The following PCSK5 variants were observed in gnomAD, a reference collection of about 807,000 sequenced individuals.
PCSK5 encodes prohormone convertase 5.
PCSK5 carries 129 observed loss-of-function variants against 233.2 expected under a neutral mutation model. The observed-to-expected ratio is 0.55, with a 90% confidence interval of 0.48 to 0.64. The LOEUF (loss-of-function observed/expected upper bound fraction) is 0.64, where lower values mean the gene tolerates loss of function less well. PCSK5 is among the 30% of genes least tolerant of loss of function. The pLI, the probability that PCSK5 is intolerant of heterozygous loss-of-function variation, is 0.00. For synonymous variants in PCSK5, 825 were observed against 879.2 expected, an observed-to-expected ratio of 0.94 and a Z score of 1.09; for missense variants, 2,076 against 2,430.1, an observed-to-expected ratio of 0.85 and a Z score of 3.06.
intron 3 of PCSK5, among the ~76,000 whole-genome samples, chr9:75,991,505 C>G (rs1285327201): frequency 6.6e-6 from 1 of 152,164 alleles, no homozygotes; most frequent in Admixed American, 6.5e-5. Context: ...TTTTCTTGAT[C>G]TTATACCTTC....
intron 14 of PCSK5, among the ~76,000 whole-genome samples, 163 bp from the exon 15 acceptor site, chr9:76,179,433 A>C (rs1823750636): frequency 6.6e-6 from 1 of 152,188 alleles, no homozygotes; most frequent in Non-Finnish European, 1.5e-5. Flanking sequence ...AAAAGTCAAG[A>C]GCTCATCTCT....
chr9:76,051,261 T>G (rs1053360395), intron 5 of PCSK5, among the ~76,000 whole-genome samples: 20 of 152,180 alleles, frequency 1.3e-4, no homozygotes, highest in African/African-American at 4.8e-4. Flanking sequence ...AAAGTAATTT[T>G]TCCAAACATG....
intron 9 of PCSK5, among the ~76,000 whole-genome samples, chr9:76,111,053 A>G (rs372355275): frequency 6.6e-6 from 1 of 152,140 alleles, no homozygotes; most frequent in Non-Finnish European, 1.5e-5. Flanking sequence ...GTTGCACTGA[A>G]CTGAGATCAT....
At chr9:76,261,395 C>T (rs993093217) in intron 24 of PCSK5, among the ~76,000 whole-genome samples, 1 of 152,118 alleles carries the variant, frequency 6.6e-6, no homozygotes, top group Non-Finnish European at 1.5e-5. Flanking sequence ...CCAAAAGGCT[C>T]TAAGAACTGA....
At chr9:76,080,761 A>C (rs1830805197) in intron 7 of PCSK5, among the ~76,000 whole-genome samples, 1 of 152,208 alleles carries the variant, frequency 6.6e-6, no homozygotes. Flanking sequence ...TGTTGTAAGG[A>C]TTATATGATT....
intron 10 of PCSK5, among the ~76,000 whole-genome samples, chr9:76,151,346 G>T (rs866088895): frequency 1.3e-5 from 2 of 152,154 alleles, no homozygotes; most frequent in Non-Finnish European, 2.9e-5. Flanking sequence ...TATTCTGGTG[G>T]TTTACTTATA....
intron 36 of PCSK5, among the ~76,000 whole-genome samples, chr9:76,351,363 A>C (rs966964205): frequency 2.6e-5 from 4 of 151,594 alleles, no homozygotes; most frequent in African/African-American, 9.7e-5. Flanking sequence ...ACAGTGTATT[A>C]AGAAGAATTC....
chr9:76,355,417 G>T (rs1186090848), intron 37 of PCSK5, among the ~76,000 whole-genome samples: 1 of 152,042 alleles, frequency 6.6e-6, no homozygotes, highest in Admixed American at 6.6e-5. Flanking sequence ...AGCTCGCAGT[G>T]AGCCAAGATC....
chr9:76,147,669 C>G (rs1053925908), intron 10 of PCSK5, among the ~76,000 whole-genome samples: 1 of 152,168 alleles, frequency 6.6e-6, no homozygotes, highest in African/African-American at 2.4e-5. Flanking sequence ...AGTCGCCCCC[C>G]ATATGTAATG....
chr9:76,282,145 T>TTTTTTTTTTTTTTTTTTTTTTTTTTTTTC (rs1286020691), intron 24 of PCSK5, among the ~76,000 whole-genome samples: 1 of 98,906 alleles, frequency 1.0e-5, no homozygotes, highest in Non-Finnish European at 2.1e-5. Context: ...TTTTTTTTTT[T>TTTTTTTTTTTTTTTTTTTTTTTTTTTTTC]TTCGCTCTGT....
In PCSK5 at chr9:76,173,495, C is replaced by CTTTTTTTTTTTT. The variant is rs1587715951; in HGVS notation, c.1757-1491_1757-1490insTTTTTTTTTTTT. Among the ~76,000 whole-genome samples, 52 of 34,596 alleles carry CTTTTTTTTTTTT rather than the reference C, an allele frequency of 1.5e-3. 5 individuals are homozygous for CTTTTTTTTTTTT. The highest frequency in any genetic ancestry group is 8.8e-3 in the East Asian group (10 of 1,132). 22.7% of individuals were successfully genotyped at this position (34,596 alleles called of 152,430 possible). Reference sequence around the variant, plus strand: ...ACTTTAATGAAATGGAGGCACGTTTCCTTTTTTTTTTTTTTTTTTTTTTTT... The same window carrying CTTTTTTTTTTTT: ...ACTTTAATGAAATGGAGGCACGTTTCTTTTTTTTTTTTCTTTTTTTTTTTTTTTTTTTTTTTT... On this transcript the variant is annotated intron_variant, in intron 13 of 37. Coordinates refer to ENST00000674117, the MANE Select transcript of PCSK5 (RefSeq NM_001372043.1).
At chr9:76,183,254 G>T (rs62556627) in intron 16 of PCSK5, among the ~76,000 whole-genome samples, 25,596 of 152,140 alleles carry the variant, frequency 0.17, 2,574 homozygotes, top group East Asian at 0.38. Flanking sequence ...GATAATTAAG[G>T]TGTTCAAACT....
intron 7 of PCSK5, among the ~76,000 whole-genome samples, chr9:76,081,732 T>G (rs1409804294): frequency 5.3e-5 from 8 of 152,192 alleles, no homozygotes; most frequent in Non-Finnish European, 1.5e-5. Context: ...AGTGGTTAAT[T>G]TTATCAACAT....
chr9:76,065,257 C>A (rs753548075), intron 5 of PCSK5, among the ~76,000 whole-genome samples: 6 of 152,050 alleles, frequency 3.9e-5, no homozygotes, highest in Non-Finnish European at 7.3e-5. Flanking sequence ...TTTACATTCC[C>A]ACCAGCAGTG....
intron 3 of PCSK5, among the ~76,000 whole-genome samples, chr9:76,015,234 C>T (rs1462559009): frequency 3.9e-5 from 6 of 152,208 alleles, no homozygotes; most frequent in African/African-American, 1.4e-4. Context: ...CACTCTTCCT[C>T]TGACTTTTTG....
At chr9:76,325,902 G>T (rs1249256904) in intron 32 of PCSK5, among the ~76,000 whole-genome samples, 2 of 152,124 alleles carry the variant, frequency 1.3e-5, no homozygotes, top group Non-Finnish European at 2.9e-5. Context: ...CTCCCAAAGT[G>T]CTGGGATTAC....
chr9:76,291,106 A>G (rs973708703), intron 24 of PCSK5, among the ~76,000 whole-genome samples: 1 of 152,244 alleles, frequency 6.6e-6, no homozygotes, highest in African/African-American at 2.4e-5. Context: ...TTTAATTAGC[A>G]GAGCCTTTGC....
intron 34 of PCSK5, among the ~76,000 whole-genome samples, 189 bp downstream of exon 34, chr9:76,332,799 G>A (rs924442164): frequency 2.6e-5 from 4 of 152,220 alleles, no homozygotes; most frequent in Non-Finnish European, 4.4e-5. Context: ...GTGACCGAGT[G>A]AGTTAACACA....
chr9:76,132,569 T>C (rs559798357), intron 9 of PCSK5, among the ~76,000 whole-genome samples: 1 of 152,156 alleles, frequency 6.6e-6, no homozygotes, highest in African/African-American at 2.4e-5. Context: ...AGAAAAAGTG[T>C]CAGAACTCAA....
Sources: gnomAD v4.1 joint callset for allele counts (sites outside exome capture counted in the v4.1 genomes callset) on GRCh38, gnomAD v4.1.1 for gene constraint, MANE v1.5 for transcripts, NCBI Gene and HGNC (gene_info 2026-07-23, HGNC 2026-07-21) for gene names.